ACCSL: variants seen among roughly 807,000 people sequenced by gnomAD.
ACCSL encodes probable inactive 1-aminocyclopropane-1-carboxylate synthase-like protein 2.
ACCSL carries 55 observed loss-of-function variants against 61.7 expected under a neutral mutation model. The ratio of observed to expected loss-of-function variants is 0.89; its 90% CI spans 0.72 to 1.12. ACCSL has a LOEUF of 1.12. Among genes scored for constraint, ACCSL ranks in the 50% most tolerant of loss-of-function variants. ACCSL has a pLI of 0.00. For synonymous variants in ACCSL, 258 were observed against 264.3 expected (o/e 0.98, Z 0.23); for missense variants, 632 against 698.0 (o/e 0.91, Z 1.07).
chr11:44,022,325 C>A, the ACCSL span, among the ~76,000 whole-genome samples: 1 of 151,962 alleles, frequency 6.6e-6, no homozygotes, highest in Non-Finnish European at 1.5e-5. Context: ...TTGTGGTGGT[C>A]TTTTACCTCC....
At chr11:44,034,963 G>C in the ACCSL span, among the ~76,000 whole-genome samples, 1 of 152,126 alleles carries the variant, frequency 6.6e-6, no homozygotes, top group Non-Finnish European at 1.5e-5. Flanking sequence ...TGGCTATCCA[G>C]GTTTATGAAA....
chr11:43,939,440 G>A, the ACCSL span, among the ~76,000 whole-genome samples: 1 of 152,154 alleles, frequency 6.6e-6, no homozygotes, highest in Admixed American at 6.5e-5. Context: ...ACATAATACA[G>A]TTCTGATGTG....
At chr11:43,933,941 G>A in the ACCSL span, among the ~76,000 whole-genome samples, 5 of 152,310 alleles carry the variant, frequency 3.3e-5, no homozygotes, top group Non-Finnish European at 7.4e-5. Flanking sequence ...CCATTGCAGT[G>A]TTACAGTGAG....
At chr11:44,022,066 T>G in the ACCSL span, among the ~76,000 whole-genome samples, 80,131 of 149,028 alleles carry the variant, frequency 0.54, 21,606 homozygotes, top group Admixed American at 0.59. Context: ...CTTCAGATTT[T>G]TTTTTTTGCT....
At chr11:44,020,108 T>C in the ACCSL span, among the ~76,000 whole-genome samples, 3 of 152,276 alleles carry the variant, frequency 2.0e-5, no homozygotes, top group African/African-American at 7.2e-5. Flanking sequence ...TCCACTGATC[T>C]GTATTTCTAC....
intron 3 of ACCSL, among the ~76,000 whole-genome samples, chr11:44,050,951 C>T (rs576627443): frequency 6.6e-6 from 1 of 151,466 alleles, no homozygotes; most frequent in Admixed American, 6.6e-5. Flanking sequence ...AGGCCATTCT[C>T]CTGCCTCAGC....
chr11:44,052,750 G>C lies in ACCSL; in HGVS notation c.861G>C (p.Leu287=). Residue 287 remains leucine (L), a synonymous_variant, in exon 6 of 14, where the codon CTG becomes CTC. Transcript: ENST00000378832. ...YAKVELIPVH[L]ESEVTVTNTH... is the part of the protein sequence containing the mutation. The stretch of plus-strand genomic sequence containing the variant: ...AGGTTGAGTTGATTCCTGTCCACCT[G>C]GAGAGTGAGGTCTGAATGGGGCCCC... The C allele has an allele frequency of 6.2e-7, 1 of 1,614,022 alleles. No homozygotes were observed. Among genetic ancestry groups the C allele is most frequent in the East Asian group, 2.2e-5 (1 of 44,860 alleles).
chr11:44,056,662 G>A (rs1205585215), intron 11 of ACCSL, among the ~76,000 whole-genome samples: 1 of 151,988 alleles, frequency 6.6e-6, no homozygotes. Flanking sequence ...GTGAAACCCG[G>A]TCTCTACTAA....
chr11:43,952,368 C>G, the ACCSL span, among the ~76,000 whole-genome samples: 1 of 152,110 alleles, frequency 6.6e-6, no homozygotes, highest in African/African-American at 2.4e-5. Context: ...GGAGACCACC[C>G]CTCATATTGT....
the ACCSL span, among the ~76,000 whole-genome samples, chr11:44,029,848 G>A: frequency 1.3e-5 from 2 of 151,714 alleles, no homozygotes; most frequent in Non-Finnish European, 2.9e-5. Flanking sequence ...TCTAAGCAGG[G>A]GTCCCTGGGA....
At chr11:44,041,762 G>C in the ACCSL span, among the ~76,000 whole-genome samples, 1 of 152,184 alleles carries the variant, frequency 6.6e-6, no homozygotes, top group Non-Finnish European at 1.5e-5. Flanking sequence ...ATTTAGCAGA[G>C]ACAATAGGTA....
At chr11:43,992,762 G>A in the ACCSL span, among the ~76,000 whole-genome samples, 39,850 of 152,150 alleles carry the variant, frequency 0.26, 6,272 homozygotes, top group South Asian at 0.36. Flanking sequence ...GTCCCGGAAC[G>A]TATTCATTAG....
chr11:44,059,716 G>A, intron 13 of ACCSL, 122 bp from the exon 14 acceptor site: 2 of 688,582 alleles, frequency 2.9e-6, no homozygotes, highest in South Asian at 4.1e-5. Flanking sequence ...AGGTGGGAGG[G>A]CTGAAGTTCA....
chr11:43,921,780 A>G, the ACCSL span, among the ~76,000 whole-genome samples: 1 of 152,102 alleles, frequency 6.6e-6, no homozygotes, highest in South Asian at 2.1e-4. Context: ...GTGGGCCACC[A>G]CCTGGGTTTC....
chr11:44,058,481 A>T, intron 12 of ACCSL, 22 bp downstream of exon 12: 1 of 1,614,100 alleles, frequency 6.2e-7, no homozygotes, highest in Non-Finnish European at 8.5e-7. Context: ...GAATGAGGAC[A>T]GGTGTTCTTG....
intron 7 of ACCSL, 74 bp downstream of exon 7, chr11:44,053,142 C>T (rs1018012118): frequency 1.6e-5 from 21 of 1,354,494 alleles, no homozygotes; most frequent in African/African-American, 2.9e-5. Context: ...AATTCTGGTA[C>T]TGCTTATTCA....
rs79692985 is a variant in ACCSL, at chr11:44,051,625, A to T, written c.706-28A>T. On this transcript the variant is annotated intron_variant, in intron 4 of 13. Transcript: ENST00000378832. Reference sequence around the variant, plus strand: ...CCTTCTCACATAGGTATTGGTTTTGACTTCTGCCTCTCATGTGTTGTCTTC... The same window carrying T: ...CCTTCTCACATAGGTATTGGTTTTGTCTTCTGCCTCTCATGTGTTGTCTTC... The T allele has an allele frequency of 0.026, 41,832 of 1,613,842 alleles. 643 individuals are homozygous for T. Among genetic ancestry groups the T allele is most frequent in the Non-Finnish European group, 0.03 (35,653 of 1,179,810 alleles).
the ACCSL span, among the ~76,000 whole-genome samples, chr11:44,032,610 CCT>C: frequency 6.6e-6 from 1 of 152,110 alleles, no homozygotes; most frequent in African/African-American, 2.4e-5. Flanking sequence ...AATAAGCACT[CCT>C]AGCTCTGGGA....
chr11:43,931,033 C>G, the ACCSL span, among the ~76,000 whole-genome samples: 4 of 152,226 alleles, frequency 2.6e-5, no homozygotes, highest in Non-Finnish European at 4.4e-5. Flanking sequence ...TTCCTTCCTG[C>G]TCTGGCAGGC....
Sources: gnomAD v4.1 joint callset for allele counts (sites outside exome capture counted in the v4.1 genomes callset) on GRCh38, gnomAD v4.1.1 for gene constraint, MANE v1.5 for transcripts, NCBI Gene and HGNC (gene_info 2026-07-23, HGNC 2026-07-21) for gene names.